The following MYOCD variants were observed in gnomAD, a reference collection of about 807,000 sequenced individuals.
The protein encoded by MYOCD is myocardin.
In MYOCD, 32 loss-of-function variants were observed where a neutral mutation model predicts 96.1. The observed-to-expected ratio is 0.33, with a 90% CI of 0.25 to 0.45. MYOCD has a LOEUF of 0.45. Ranked by LOEUF, MYOCD falls within the 20% of genes least tolerant of loss-of-function variation. The pLI, the probability that MYOCD is intolerant of heterozygous loss-of-function variation, is 1.00. For missense variants in MYOCD, 1,133 were observed against 1,200.6 expected (o/e 0.94, Z 0.83); for synonymous variants, 469 against 469.0 (o/e 1.00, Z 0.00).
chr17:12,754,616 G>A (rs1173437072), intron 10 of MYOCD, among the ~76,000 whole-genome samples: 1 of 152,192 alleles, frequency 6.6e-6, no homozygotes, highest in Non-Finnish European at 1.5e-5. Flanking sequence ...ATAGGAGATG[G>A]CTTAGAAGAC....
Position 12,723,200 on chromosome 17 carries a change from C to T in MYOCD, c.415+192C>T, listed in dbSNP as rs568309420. Among the ~76,000 whole-genome samples the T allele has an allele frequency of 5.9e-5, 9 of 152,280 alleles. No homozygotes were observed. In the East Asian group the frequency reaches 1.5e-3, roughly 26 times the overall value. On this transcript the variant is annotated intron_variant, in intron 5 of 13. Transcript: ENST00000425538. ...TTGTTGCAATCCCCATTCTTGTACA[C>T]CCCAAGGCCAAGTCAACACAGGGTA...
At chr17:12,727,182 G>A (rs777927531) in intron 5 of MYOCD, among the ~76,000 whole-genome samples, 4 of 152,158 alleles carry the variant, frequency 2.6e-5, no homozygotes, top group Admixed American at 6.5e-5. Flanking sequence ...TAAACAAAAG[G>A]AATGGCTAGA....
At chr17:12,684,963 C>T (rs912769668) in intron 1 of MYOCD, among the ~76,000 whole-genome samples, 3 of 151,860 alleles carry the variant, frequency 2.0e-5, no homozygotes, top group Non-Finnish European at 1.5e-5. Context: ...GAAGCCAGCC[C>T]TGGGTAGGAA....
intron 1 of MYOCD, among the ~76,000 whole-genome samples, chr17:12,673,737 A>C (rs554807211): frequency 2.0e-5 from 3 of 152,304 alleles, no homozygotes; most frequent in Non-Finnish European, 4.4e-5. Flanking sequence ...AATGGATTTG[A>C]ATATTTATGA....
chr17:12,687,318 A>G (rs1341627220), intron 1 of MYOCD, among the ~76,000 whole-genome samples: 2 of 152,152 alleles, frequency 1.3e-5, no homozygotes, highest in Non-Finnish European at 2.9e-5. Context: ...TTGCATTATT[A>G]TTATTTTGAT....
At chr17:12,679,601 T>C (rs1482983227) in intron 1 of MYOCD, among the ~76,000 whole-genome samples, 1 of 152,168 alleles carries the variant, frequency 6.6e-6, no homozygotes, top group Non-Finnish European at 1.5e-5. Flanking sequence ...AACATATATA[T>C]AGTATGAGAG....
intron 1 of MYOCD, among the ~76,000 whole-genome samples, chr17:12,683,481 G>C (rs1519256): frequency 0.39 from 59,618 of 151,582 alleles, 13,443 homozygotes; most frequent in African/African-American, 0.63. Flanking sequence ...TCTCTCTCCC[G>C]CTCCTTCTCT....
At chr17:12,715,436 C>G (rs1257030175) in intron 2 of MYOCD, 83 bp from the exon 3 acceptor site, 6 of 1,197,612 alleles carry the variant, frequency 5.0e-6, no homozygotes, top group Non-Finnish European at 6.1e-6. Context: ...GTGCATAGCT[C>G]AGCAAGCACA....
chr17:12,698,408 C>A (rs2030883023), intron 1 of MYOCD, among the ~76,000 whole-genome samples: 2 of 152,112 alleles, frequency 1.3e-5, no homozygotes, highest in Non-Finnish European at 2.9e-5. Flanking sequence ...AGACCAAGTT[C>A]TTGAGGTGAG....
chr17:12,756,029 G>C (rs149479743), intron 10 of MYOCD, among the ~76,000 whole-genome samples: 18 of 152,348 alleles, frequency 1.2e-4, no homozygotes, highest in African/African-American at 4.3e-4. Context: ...GACTTGACAG[G>C]AAGTGTCACG....
chr17:12,732,213 C>A (rs1487039384), intron 5 of MYOCD, among the ~76,000 whole-genome samples: 4 of 152,128 alleles, frequency 2.6e-5, no homozygotes, highest in Non-Finnish European at 4.4e-5. Context: ...GCAAGGGAGA[C>A]TCCTACAAGC....
Position 12,722,909 on chromosome 17 carries a change from G to A in MYOCD, c.316G>A (p.Asp106Asn), listed in dbSNP as rs773042903. The A allele has an allele frequency of 1.1e-5, 17 of 1,613,850 alleles. No homozygotes were observed. The highest frequency in any genetic ancestry group is 1.6e-4 in the Middle Eastern group (1 of 6,084). The stretch of plus-strand genomic sequence containing the variant: ...GAAGCTGAAAAGAGCCCGACTCGCC[G>A]ATGATCTCAATGAAAAAATTGCTCT... ...QMKLKRARLA[D>N]DLNEKIALRP... The change falls in exon 5 of 14, where the codon GAT becomes AAT. Residue 106 changes from aspartate (D) to asparagine (N), a missense_variant. Coordinates refer to ENST00000425538, the MANE Select transcript of MYOCD (RefSeq NM_001146312.3).
chr17:12,749,468 G>A lies in MYOCD; in HGVS notation c.1126-2946G>A, dbSNP rs1423534801. Among the ~76,000 whole-genome samples the A allele has an allele frequency of 4.0e-5, 6 of 151,632 alleles. No individual in the cohort carries two copies. In the East Asian group the frequency reaches 1.2e-3, roughly 30 times the overall value. On this transcript the variant is annotated intron_variant, in intron 9 of 13. Transcript: ENST00000425538. ...TGCTTGAACCCAGGAGACGGAGGTTGCAGTGAGCTGAGATCGCACCACTAC... is the reference window on the plus strand; with the variant it reads ...TGCTTGAACCCAGGAGACGGAGGTTACAGTGAGCTGAGATCGCACCACTAC...
At chr17:12,749,709 G>GCA (rs2032783781) in intron 9 of MYOCD, among the ~76,000 whole-genome samples, 1 of 139,220 alleles carries the variant, frequency 7.2e-6, no homozygotes, top group African/African-American at 2.8e-5. Flanking sequence ...ATACATATGT[G>GCA]TATATATATG....
intron 5 of MYOCD, among the ~76,000 whole-genome samples, chr17:12,728,086 A>G (rs1034954742): frequency 6.6e-5 from 10 of 152,170 alleles, no homozygotes; most frequent in African/African-American, 1.9e-4. Flanking sequence ...TGAATACCAA[A>G]AGCATTGTGT....
intron 4 of MYOCD, among the ~76,000 whole-genome samples, chr17:12,719,696 T>TCCA (rs2031766285): frequency 5.2e-5 from 1 of 19,122 alleles, no homozygotes. Flanking sequence ...GTACTAAAAA[T>TCCA]ACAAAAAAAA....
At chr17:12,745,609 T>C (rs1347417791) in intron 8 of MYOCD, among the ~76,000 whole-genome samples, 1 of 152,226 alleles carries the variant, frequency 6.6e-6, no homozygotes, top group East Asian at 1.9e-4. Flanking sequence ...TGCTGAGCAC[T>C]AAACGCAACC....
chr17:12,742,338 G>A (rs2150709274), intron 7 of MYOCD, among the ~76,000 whole-genome samples: 1 of 152,274 alleles, frequency 6.6e-6, no homozygotes, highest in East Asian at 1.9e-4. Context: ...ATTGCGCTGA[G>A]TCCAAGTGAG....
At chr17:12,709,916 C>T (rs1361428247) in intron 2 of MYOCD, among the ~76,000 whole-genome samples, 3 of 152,134 alleles carry the variant, frequency 2.0e-5, no homozygotes, top group Non-Finnish European at 1.5e-5. Context: ...TTATTCCAAC[C>T]GCTTCTGAAG....
Sources: allele counts gnomAD v4.1 joint callset (sites outside exome capture counted in the v4.1 genomes callset), GRCh38; gene constraint gnomAD v4.1.1; transcripts MANE v1.5; gene names NCBI Gene and HGNC (gene_info 2026-07-23, HGNC 2026-07-21).